The following NFASC variants were observed in gnomAD, a reference collection of about 807,000 sequenced individuals.
The protein encoded by NFASC is neurofascin homolog.
Under a neutral mutation model 147.5 loss-of-function variants are expected in NFASC, and 43 were observed. The ratio of observed to expected loss-of-function variants is 0.29; its 90% confidence interval spans 0.23 to 0.38. The LOEUF (loss-of-function observed/expected upper bound fraction) is 0.38, where lower values mean the gene tolerates loss of function less well. Among genes scored for constraint, NFASC ranks in the 10% least tolerant of loss-of-function variants. The pLI is 1.00. For synonymous variants in NFASC, 622 were observed against 665.5 expected (o/e 0.93, Z 1.01); for missense variants, 1,320 against 1,689.0 (o/e 0.78, Z 3.83).
At chr1:204,960,981 G>A (rs553243210) in intron 8 of NFASC, among the ~76,000 whole-genome samples, 14 of 152,304 alleles carry the variant, frequency 9.2e-5, no homozygotes, top group Admixed American at 3.9e-4. Context: ...TGGATCTGTC[G>A]ACAAATATGC....
At chr1:204,865,025 G>GT (rs1358613859) in intron 1 of NFASC, among the ~76,000 whole-genome samples, 1 of 152,162 alleles carries the variant, frequency 6.6e-6, no homozygotes, top group Admixed American at 6.5e-5. Flanking sequence ...AGGTTATGAA[G>GT]TTTTACTTCT....
chr1:205,019,847 C>G lies in NFASC; in HGVS notation c.*3308C>G, dbSNP rs976782802. The G allele has an allele frequency of 3.3e-5, 5 of 152,238 alleles. No homozygotes were observed. Among genetic ancestry groups the G allele is most frequent in the Non-Finnish European group, 7.3e-5 (5 of 68,056 alleles). The allele number at this position is 152,238 out of a possible 1,614,324, so 9.4% of individuals were successfully genotyped here. A position where few individuals can be genotyped will look rare whatever the true frequency, so the allele number is the denominator to read the frequency against. ...CCTTAACCTGTCTGTATTTTTATGC[C>G]TCTGTCTCCCATTCAGTTCCTCCTT... On this transcript the variant is annotated 3_prime_UTR_variant, in exon 30 of 30. Coordinates refer to ENST00000339876, the MANE Select transcript of NFASC (RefSeq NM_001005388.3).
intron 1 of NFASC, among the ~76,000 whole-genome samples, chr1:204,873,609 C>T (rs1448809389): frequency 6.6e-6 from 1 of 152,186 alleles, no homozygotes; most frequent in African/African-American, 2.4e-5. Flanking sequence ...CCGGGGAAGG[C>T]TTCGTTCTTT....
intron 2 of NFASC, among the ~76,000 whole-genome samples, chr1:204,932,722 G>A (rs1201056418): frequency 6.6e-6 from 1 of 152,172 alleles, no homozygotes; most frequent in Non-Finnish European, 1.5e-5. Flanking sequence ...CAGAAAGTGC[G>A]TGCCTCACAA....
At chr1:204,857,130 T>G (rs2076223680) in intron 1 of NFASC, among the ~76,000 whole-genome samples, 1 of 152,246 alleles carries the variant, frequency 6.6e-6, no homozygotes, top group Admixed American at 6.5e-5. Flanking sequence ...CTGCACCATG[T>G]TATGTTCCCA....
intron 27 of NFASC, among the ~76,000 whole-genome samples, chr1:205,007,666 G>T (rs2096151373): frequency 6.6e-6 from 1 of 152,144 alleles, no homozygotes; most frequent in African/African-American, 2.4e-5. Flanking sequence ...GGTGCCAGTT[G>T]CCAAGGCAGC....
At chr1:204,897,876 C>T (rs531909344) in intron 1 of NFASC, among the ~76,000 whole-genome samples, 4 of 152,210 alleles carry the variant, frequency 2.6e-5, no homozygotes, top group African/African-American at 4.8e-5. Flanking sequence ...GCTGGGATTA[C>T]AGGTGCGTGC....
intron 21 of NFASC, among the ~76,000 whole-genome samples, chr1:204,982,484 A>C (rs2095527908): frequency 6.6e-6 from 1 of 152,212 alleles, no homozygotes; most frequent in Non-Finnish European, 1.5e-5. Flanking sequence ...CCCCCGGGGA[A>C]GCCTTGAGGG....
Position 204,889,450 on chromosome 1 carries a change from C to T in NFASC, c.-199-31182C>T, listed in dbSNP as rs185825843. 5.3e-5 allele frequency among the ~76,000 whole-genome samples: 8 copies of T among 152,290 alleles called. 1 individual carries two copies. In the Middle Eastern group the frequency reaches 0.01, roughly 194 times the overall value. On this transcript the variant is annotated intron_variant, in intron 1 of 29. Transcript: ENST00000339876. Reference sequence around the variant, plus strand: ...TGGTGATAGTACAAGTGCTTCATTACGCAGGTTAACAGGAAAAGTGAAGCA... The same window carrying T: ...TGGTGATAGTACAAGTGCTTCATTATGCAGGTTAACAGGAAAAGTGAAGCA...
At chr1:204,924,089 G>A (rs754981108) in intron 2 of NFASC, among the ~76,000 whole-genome samples, 2 of 152,216 alleles carry the variant, frequency 1.3e-5, no homozygotes, top group Non-Finnish European at 2.9e-5. Context: ...AGCCGCCAGC[G>A]CTTTGCAACC....
chr1:204,887,868 G>A (rs1203527355), intron 1 of NFASC, among the ~76,000 whole-genome samples: 1 of 152,106 alleles, frequency 6.6e-6, no homozygotes, highest in Non-Finnish European at 1.5e-5. Context: ...AAAGTGCTGG[G>A]ATTACAGGCA....
At chr1:204,909,768 TTTTC>T (rs375183949) in intron 1 of NFASC, among the ~76,000 whole-genome samples, 16 of 152,028 alleles carry the variant, frequency 1.1e-4, no homozygotes, top group Non-Finnish European at 2.1e-4. Flanking sequence ...AAGATTCCTT[TTTTC>T]TTTCTTTCTT....
chr1:204,978,634 G>T (rs1259380192), intron 17 of NFASC, among the ~76,000 whole-genome samples: 2 of 152,202 alleles, frequency 1.3e-5, no homozygotes, highest in Admixed American at 1.3e-4. Context: ...GTCTGATGAC[G>T]GGTGGCATTC....
intron 1 of NFASC, among the ~76,000 whole-genome samples, chr1:204,914,962 T>C (rs1174406892): frequency 6.6e-6 from 1 of 152,184 alleles, no homozygotes; most frequent in African/African-American, 2.4e-5. Context: ...GTTTATACAA[T>C]GGAATACCAT....
rs1240487743 is a variant in NFASC, at chr1:204,987,378, C to G, written c.2471-40C>G. ...TGTGTTTTCCTCATCCTCCCTGCCCCCTCCCCCTCATCTCCCCTGCTCTCT... is the reference window on the plus strand; with the variant it reads ...TGTGTTTTCCTCATCCTCCCTGCCCGCTCCCCCTCATCTCCCCTGCTCTCT... On this transcript the variant is annotated intron_variant, in intron 21 of 29. Transcript: ENST00000339876. This position sits in a 1 kb window ranked among gnomAD's most constrained non-coding sequence, Gnocchi z 4.4. 6.3e-6 allele frequency: 10 copies of G among 1,593,554 alleles called. No individual in the cohort carries two copies. The highest frequency in any genetic ancestry group is 8.6e-6 in the Non-Finnish European group (10 of 1,165,228).
intron 15 of NFASC, among the ~76,000 whole-genome samples, chr1:204,976,034 C>G (rs995914614): frequency 3.3e-5 from 5 of 152,178 alleles, no homozygotes. Flanking sequence ...GCTTACTTTG[C>G]TTTACCTTCT....
chr1:204,966,921 C>T (rs978357311), intron 8 of NFASC, among the ~76,000 whole-genome samples: 5 of 152,142 alleles, frequency 3.3e-5, no homozygotes, highest in African/African-American at 9.7e-5. Context: ...AGTTGAGTGC[C>T]CCAGAACAGG....
chr1:204,992,148 G>A (rs1349160896), intron 24 of NFASC, among the ~76,000 whole-genome samples: 3 of 152,148 alleles, frequency 2.0e-5, no homozygotes, highest in African/African-American at 7.2e-5. Flanking sequence ...ACGAGGCAGG[G>A]GACCCCAGGG....
chr1:205,001,389 C>G, intron 26 of NFASC, 103 bp downstream of exon 26: 1 of 717,294 alleles, frequency 1.4e-6, no homozygotes, highest in Non-Finnish European at 2.5e-6. Flanking sequence ...CCCCCAGGCT[C>G]AGAGAGGCCT....
Sources: allele counts gnomAD v4.1 joint callset (sites outside exome capture counted in the v4.1 genomes callset), GRCh38; gene constraint gnomAD v4.1.1; non-coding constraint Gnocchi (gnomAD v3.1); transcripts MANE v1.5; gene names NCBI Gene and HGNC (gene_info 2026-07-23, HGNC 2026-07-21).